The following STK33 variants were observed in gnomAD, a reference collection of about 807,000 sequenced individuals.
STK33 encodes the protein serine/threonine-protein kinase 33.
STK33 carries 52 observed loss-of-function variants against 58.0 expected under a neutral mutation model. The ratio of observed to expected loss-of-function variants is 0.90; its 90% CI spans 0.72 to 1.13. The LOEUF is 1.13. Ranked by LOEUF, STK33 falls within the 50% of genes most tolerant of loss-of-function variation. The pLI is 0.00. For synonymous variants in STK33, 215 were observed against 200.1 expected, an observed-to-expected ratio of 1.07 and a Z score of -0.63; for missense variants, 630 against 604.2, an observed-to-expected ratio of 1.04 and a Z score of -0.45.
chr11:8,484,539 T>G (rs147440046), intron 1 of STK33, among the ~76,000 whole-genome samples: 1 of 152,192 alleles, frequency 6.6e-6, no homozygotes, highest in Non-Finnish European at 1.5e-5. Context: ...TACGAGCAAC[T>G]TGTCATGCTA....
intron 15 of STK33, among the ~76,000 whole-genome samples, chr11:8,398,950 C>G (rs1849873882): frequency 6.6e-6 from 1 of 152,154 alleles, no homozygotes; most frequent in Non-Finnish European, 1.5e-5. Context: ...AATACAGGAG[C>G]ACCCAGATTC....
At chr11:8,385,678 C>T in the STK33 span, among the ~76,000 whole-genome samples, 11 of 152,308 alleles carry the variant, frequency 7.2e-5, no homozygotes, top group South Asian at 2.3e-3. Flanking sequence ...TTTTGACTGC[C>T]TTTCACATTG....
At chr11:8,554,769 G>A (rs1956614403) in intron 1 of STK33, among the ~76,000 whole-genome samples, 2 of 151,886 alleles carry the variant, frequency 1.3e-5, no homozygotes, top group South Asian at 4.2e-4. Context: ...ATACCCAAAG[G>A]AACCAAAATC....
Position 8,413,588 on chromosome 11 carries a change from A to C in STK33, c.1251T>G (p.Asn417Lys), listed in dbSNP as rs776243942. 6.2e-7 allele frequency: 1 copy of C among 1,613,886 alleles called. No individual in the cohort carries two copies. Among genetic ancestry groups the C allele is most frequent in the African/African-American group, 1.3e-5 (1 of 74,890 alleles). Residue 417 changes from asparagine (N) to lysine (K), a missense_variant, in exon 15 of 16, where the codon AAT becomes AAG. Coordinates refer to ENST00000687296, the MANE Select transcript of STK33 (RefSeq NM_001352389.2). ...SVEENTTEEK[N>K]KPSTEEKLKS... ...TCAACTTTTCTTCAGTGGACGGCTT[A>C]TTCTTCTCTTCTGTTGTGTTTTCCT...
At chr11:8,557,662 G>A (rs1956858870) in intron 1 of STK33, among the ~76,000 whole-genome samples, 1 of 151,690 alleles carries the variant, frequency 6.6e-6, no homozygotes, top group Non-Finnish European at 1.5e-5. Context: ...CTTTATTCAT[G>A]TATATCATGT....
At chr11:8,542,938 T>C (rs1438328648) in intron 1 of STK33, among the ~76,000 whole-genome samples, 1 of 152,158 alleles carries the variant, frequency 6.6e-6, no homozygotes, top group African/African-American at 2.4e-5. Context: ...CTTGAACTCC[T>C]GGGCTCAAGC....
At chr11:8,582,601 C>T (rs530242512) in intron 1 of STK33, among the ~76,000 whole-genome samples, 9 of 152,298 alleles carry the variant, frequency 5.9e-5, no homozygotes, top group African/African-American at 1.9e-4. Flanking sequence ...ATTCAATTAC[C>T]TCCACCTGGT....
intron 11 of STK33, among the ~76,000 whole-genome samples, chr11:8,449,109 C>T (rs544173896): frequency 7.9e-5 from 12 of 151,530 alleles, no homozygotes; most frequent in South Asian, 4.2e-4. Flanking sequence ...GTTAGAATGG[C>T]GGTCATTAAA....
chr11:8,412,330 C>A (rs1416193226), intron 15 of STK33, among the ~76,000 whole-genome samples: 7 of 152,124 alleles, frequency 4.6e-5, no homozygotes, highest in Non-Finnish European at 8.8e-5. Flanking sequence ...GGAGTTAACA[C>A]ACTAGAGAGG....
chr11:8,567,810 T>C (rs1347914976), intron 1 of STK33, among the ~76,000 whole-genome samples: 1 of 152,238 alleles, frequency 6.6e-6, no homozygotes, highest in Admixed American at 6.5e-5. Flanking sequence ...AGCTACACAC[T>C]AAATTAGTCA....
the STK33 span, among the ~76,000 whole-genome samples, chr11:8,385,623 GTC>G: frequency 6.6e-6 from 1 of 152,180 alleles, no homozygotes; most frequent in South Asian, 2.1e-4. Flanking sequence ...GCCATCATCT[GTC>G]TCTGTGCCCC....
At chr11:8,421,873 G>A (rs1941973871) in intron 14 of STK33, among the ~76,000 whole-genome samples, 1 of 151,780 alleles carries the variant, frequency 6.6e-6, no homozygotes, top group Non-Finnish European at 1.5e-5. Context: ...TCTATTGTTA[G>A]TTGCTAATGA....
At position 8,435,025 on chromosome 11, in the gene STK33, T is replaced by C. The variant is rs139759402; in HGVS notation, c.1146+469A>G. On this transcript the variant is annotated intron_variant, in intron 14 of 15. Transcript: ENST00000687296. ...ACAAGGTCTGTGCTTGAAGCATTAG[T>C]CTAATGGCAGAAAACAATATGTAAA... Among the ~76,000 whole-genome samples the C allele has an allele frequency of 3.1e-3, 475 of 152,222 alleles. 3 individuals carry two copies. The highest frequency in any genetic ancestry group is 0.011 in the African/African-American group (456 of 41,520).
the STK33 span, among the ~76,000 whole-genome samples, chr11:8,339,202 G>C: frequency 6.6e-6 from 1 of 152,264 alleles, no homozygotes; most frequent in African/African-American, 2.4e-5. Flanking sequence ...ATGGGGCTCC[G>C]AGGGATTTAT....
intron 1 of STK33, among the ~76,000 whole-genome samples, chr11:8,523,652 C>A (rs986434500): frequency 6.6e-6 from 1 of 150,810 alleles, no homozygotes; most frequent in African/African-American, 2.4e-5. Flanking sequence ...CTGCCCAGTC[C>A]GGGAGGTGGG....
At chr11:8,547,951 G>C (rs1163935669) in intron 1 of STK33, among the ~76,000 whole-genome samples, 1 of 149,354 alleles carries the variant, frequency 6.7e-6, no homozygotes, top group Non-Finnish European at 1.5e-5. Flanking sequence ...TCATAGGTGG[G>C]AACTGAACAA....
chr11:8,346,912 C>T, the STK33 span, among the ~76,000 whole-genome samples: 1 of 152,192 alleles, frequency 6.6e-6, no homozygotes, highest in Non-Finnish European at 1.5e-5. Flanking sequence ...AGATTTTATA[C>T]ATTCAAGATG....
chr11:8,538,647 G>T (rs181261967), intron 1 of STK33, among the ~76,000 whole-genome samples: 141 of 152,310 alleles, frequency 9.3e-4, no homozygotes, highest in African/African-American at 3.3e-3. Context: ...GGCTCAAGAA[G>T]ATAGGCAATT....
At chr11:8,472,503 T>C (rs573929356) in intron 6 of STK33, among the ~76,000 whole-genome samples, 1 of 151,928 alleles carries the variant, frequency 6.6e-6, no homozygotes, top group South Asian at 2.1e-4. Flanking sequence ...AGATGAAGAG[T>C]GGTCAGTCAG....
Sources: allele counts gnomAD v4.1 joint callset (sites outside exome capture counted in the v4.1 genomes callset), GRCh38; gene constraint gnomAD v4.1.1; transcripts MANE v1.5; gene names NCBI Gene and HGNC (gene_info 2026-07-23, HGNC 2026-07-21).